The following ALK variants were observed in gnomAD, a reference collection of about 807,000 sequenced individuals.
ALK encodes ALK tyrosine kinase receptor.
A neutral mutation model predicts 163.1 loss-of-function variants in ALK; 74 were observed. The ratio of observed to expected loss-of-function variants is 0.45; its 90% CI spans 0.38 to 0.55. The LOEUF (loss-of-function observed/expected upper bound fraction) is 0.55, where lower values mean the gene tolerates loss of function less well. Among genes scored for constraint, ALK ranks in the 20% least tolerant of loss-of-function variants. The pLI, the probability that ALK is intolerant of heterozygous loss-of-function variation, is 0.00. For synonymous variants in ALK, 960 were observed against 843.2 expected, an observed-to-expected ratio of 1.14 and a Z score of -2.40; for missense variants, 2,063 against 2,105.3, an observed-to-expected ratio of 0.98 and a Z score of 0.39.
intron 4 of ALK, among the ~76,000 whole-genome samples, chr2:29,471,568 T>C (rs1413519256): frequency 6.6e-6 from 1 of 152,120 alleles, no homozygotes; most frequent in Non-Finnish European, 1.5e-5. Context: ...AGAAAAAGCA[T>C]TTGATATCAT....
chr2:29,426,844 A>G (rs955314767), intron 4 of ALK, among the ~76,000 whole-genome samples: 1 of 151,840 alleles, frequency 6.6e-6, no homozygotes, highest in Non-Finnish European at 1.5e-5. Context: ...TCGAGACCAT[A>G]CTGGCCAACA....
At chr2:29,696,012 T>TCCC (rs1312760292) in intron 2 of ALK, among the ~76,000 whole-genome samples, 18 of 152,174 alleles carry the variant, frequency 1.2e-4, no homozygotes, top group African/African-American at 3.9e-4. Context: ...TCCCCAGCAA[T>TCCC]CACCAGCAAT....
chr2:29,196,767 T>C lies in ALK; in HGVS notation c.4164+3A>G. ...TGTTGACCAAAGGGAGAAAATGTTTTACCTGGGTGCAGTATTCAATCCTCT... is the reference window on the plus strand; with the variant it reads ...TGTTGACCAAAGGGAGAAAATGTTTCACCTGGGTGCAGTATTCAATCCTCT... On this transcript the variant is annotated splice_donor_region_variant and intron_variant, in intron 28 of 28. Transcript: ENST00000389048. 2 of 1,610,826 alleles carry C rather than the reference T, an allele frequency of 1.2e-6. No homozygotes were observed. The highest frequency in any genetic ancestry group is 1.1e-5 in the South Asian group (1 of 91,046).
intron 4 of ALK, among the ~76,000 whole-genome samples, chr2:29,491,053 A>T (rs887450533): frequency 2.6e-5 from 4 of 152,208 alleles, no homozygotes; most frequent in African/African-American, 9.6e-5. Flanking sequence ...AGGCCCCTCA[A>T]TTCTTTCCAG....
At chr2:29,754,292 T>C (rs1023612873) in intron 1 of ALK, among the ~76,000 whole-genome samples, 7 of 152,170 alleles carry the variant, frequency 4.6e-5, no homozygotes, top group Non-Finnish European at 1.0e-4. Flanking sequence ...ATGCAGAATA[T>C]AGCAGCCTTT....
In ALK at chr2:29,885,568, A is replaced by AC. The variant is rs912996502; in HGVS notation, c.667+34424_667+34425insG. Among the ~76,000 whole-genome samples, 319 of 152,112 alleles carry AC rather than the reference A, an allele frequency of 2.1e-3. 3 individuals carry two copies. Among genetic ancestry groups the AC allele is most frequent in the Non-Finnish European group, 3.6e-3 (245 of 68,000 alleles). The stretch of plus-strand genomic sequence containing the variant: ...AAAGAGATTATGGATATGGCAAAAA[A>AC]AAAAAAAGGGTGGAGAATGAATGCT... On this transcript the variant is annotated intron_variant, in intron 1 of 28. Transcript: ENST00000389048.
intron 3 of ALK, among the ~76,000 whole-genome samples, chr2:29,659,782 A>T (rs1677294764): frequency 6.6e-6 from 1 of 152,110 alleles, no homozygotes; most frequent in Non-Finnish European, 1.5e-5. Context: ...TACAGACCGG[A>T]TAATGTTTAA....
At chr2:29,307,959 C>A (rs1333336743) in intron 8 of ALK, among the ~76,000 whole-genome samples, 1 of 152,118 alleles carries the variant, frequency 6.6e-6, no homozygotes, top group Admixed American at 6.5e-5. Flanking sequence ...CATTCATATG[C>A]CCTCTTTCTA....
chr2:29,668,792 T>C (rs772251164), intron 3 of ALK, among the ~76,000 whole-genome samples: 46 of 152,146 alleles, frequency 3.0e-4, no homozygotes, highest in Middle Eastern at 3.2e-3. Flanking sequence ...AGAGGTTTAA[T>C]GGACTCACAG....
At chr2:29,781,949 A>G (rs1399241573) in intron 1 of ALK, among the ~76,000 whole-genome samples, 2 of 152,194 alleles carry the variant, frequency 1.3e-5, no homozygotes, top group Non-Finnish European at 2.9e-5. Context: ...CAAGCTTCAA[A>G]AGCCCAGGAG....
At chr2:29,432,452 G>A (rs1235273085) in intron 4 of ALK, among the ~76,000 whole-genome samples, 1 of 152,092 alleles carries the variant, frequency 6.6e-6, no homozygotes, top group Non-Finnish European at 1.5e-5. Context: ...TTCCATGTTC[G>A]TACAGCCTGC....
At chr2:29,252,836 T>A (rs541145915) in intron 11 of ALK, among the ~76,000 whole-genome samples, 76 of 145,746 alleles carry the variant, frequency 5.2e-4, no homozygotes, top group East Asian at 2.0e-3. Flanking sequence ...TTTTTATTTA[T>A]TTTTTTTTAG....
intron 4 of ALK, among the ~76,000 whole-genome samples, chr2:29,479,155 T>A (rs1301644183): frequency 6.6e-6 from 1 of 151,664 alleles, no homozygotes. Flanking sequence ...CACTCAGGGT[T>A]CCCTGAACAT....
At chr2:29,295,759 T>C (rs1319210439) in intron 9 of ALK, among the ~76,000 whole-genome samples, 4 of 152,152 alleles carry the variant, frequency 2.6e-5, no homozygotes, top group African/African-American at 9.7e-5. Context: ...TCTGTCCTCA[T>C]TTTTTGAAGG....
chr2:29,534,888 T>G (rs183558604), intron 3 of ALK, among the ~76,000 whole-genome samples: 65 of 152,272 alleles, frequency 4.3e-4, no homozygotes, highest in African/African-American at 1.5e-3. Context: ...GAGATGATGT[T>G]TATATGAATC....
chr2:29,525,284 C>T (rs1470848907), intron 4 of ALK, among the ~76,000 whole-genome samples: 4 of 152,302 alleles, frequency 2.6e-5, no homozygotes, highest in African/African-American at 9.6e-5. Flanking sequence ...AACACAAGTC[C>T]CTCCCAAGTC....
intron 23 of ALK, among the ~76,000 whole-genome samples, chr2:29,215,426 G>A (rs914725701): frequency 6.6e-6 from 1 of 152,190 alleles, no homozygotes; most frequent in Non-Finnish European, 1.5e-5. Flanking sequence ...AACTGAGAGT[G>A]GATAGTTCCC....
intron 1 of ALK, among the ~76,000 whole-genome samples, chr2:29,798,878 T>C (rs1427203078): frequency 3.3e-5 from 5 of 152,062 alleles, no homozygotes; most frequent in Non-Finnish European, 7.4e-5. Flanking sequence ...AATGGAGAGG[T>C]CATCGGTGTG....
At chr2:29,608,831 C>T (rs1459230833) in intron 3 of ALK, among the ~76,000 whole-genome samples, 2 of 152,222 alleles carry the variant, frequency 1.3e-5, no homozygotes, top group South Asian at 2.1e-4. Context: ...TTTCTCAGCT[C>T]TCCACAGTAT....
Sources: gnomAD v4.1 joint callset for allele counts (sites outside exome capture counted in the v4.1 genomes callset) on GRCh38, gnomAD v4.1.1 for gene constraint, MANE v1.5 for transcripts, NCBI Gene and HGNC (gene_info 2026-07-23, HGNC 2026-07-21) for gene names.